HERC1: variants seen among roughly 807,000 people sequenced by gnomAD.
HERC1 encodes the protein HECT and RLD domain containing E3 ubiquitin protein ligase family member 1.
In HERC1, 160 loss-of-function variants were observed where a neutral mutation model predicts 554.3. The observed-to-expected ratio is 0.29, with a 90% confidence interval of 0.25 to 0.33. HERC1 has a LOEUF of 0.33. Among genes scored for constraint, HERC1 ranks in the 10% least tolerant of loss-of-function variants. The probability of loss-of-function intolerance (pLI) is 1.00; values close to 1 mark genes in which losing one functional copy is unlikely to be tolerated. For synonymous variants in HERC1, 2,175 were observed against 2,131.7 expected (o/e 1.02, Z -0.56); for missense variants, 4,919 against 5,918.5 (o/e 0.83, Z 5.54).
At chr15:63,745,591 C>G (rs971844183) in intron 12 of HERC1, among the ~76,000 whole-genome samples, 14 of 152,162 alleles carry the variant, frequency 9.2e-5, no homozygotes, top group Admixed American at 2.0e-4. Flanking sequence ...CCCCAAGCAC[C>G]CAGAGACACT....
chr15:63,830,428 G>A (rs527889446), intron 1 of HERC1, among the ~76,000 whole-genome samples: 12 of 152,124 alleles, frequency 7.9e-5, no homozygotes, highest in African/African-American at 2.7e-4. Flanking sequence ...TGTCAAGGTC[G>A]TGAAAAACAA....
chr15:63,667,417 TA>T lies in HERC1; in HGVS notation c.8207-946del, dbSNP rs907219443. ...GTGAAATAAACACGGAAGATGAGAT[TA>T]AAAAAAAACAAATCAAATGTCTACT... On this transcript the variant is annotated intron_variant, in intron 40 of 77. Coordinates refer to ENST00000443617, the MANE Select transcript of HERC1 (RefSeq NM_003922.4). 2.9e-4 allele frequency among the ~76,000 whole-genome samples: 44 copies of T among 150,732 alleles called. 1 individual carries two copies. Among genetic ancestry groups the T allele is most frequent in the South Asian group, 1.0e-3 (5 of 4,772 alleles).
intron 19 of HERC1, among the ~76,000 whole-genome samples, chr15:63,720,102 C>CTTTTTTT (rs1214451219): frequency 4.8e-5 from 1 of 20,958 alleles, no homozygotes; most frequent in African/African-American, 2.5e-4. Flanking sequence ...CTTTTTCTTC[C>CTTTTTTT]CTTTTTTTTT....
intron 1 of HERC1, among the ~76,000 whole-genome samples, chr15:63,780,790 C>T (rs1383797719): frequency 6.6e-6 from 1 of 151,516 alleles, no homozygotes; most frequent in Non-Finnish European, 1.5e-5. Flanking sequence ...ACATCAACAT[C>T]TGTAAAATTC....
intron 14 of HERC1, 133 bp downstream of exon 14, chr15:63,732,791 A>G: frequency 1.6e-6 from 1 of 614,772 alleles, no homozygotes; most frequent in Non-Finnish European, 2.9e-6. Flanking sequence ...AGAAACCCTG[A>G]CATGTTTTTC....
intron 12 of HERC1, among the ~76,000 whole-genome samples, chr15:63,740,426 A>G (rs572427854): frequency 1.3e-5 from 2 of 152,330 alleles, no homozygotes; most frequent in Admixed American, 6.5e-5. Context: ...TATGTTTTCA[A>G]TGCTCTTGGG....
Position 63,612,354 on chromosome 15 carries a change from T to C in HERC1, c.14297A>G (p.Asn4766Ser), listed in dbSNP as rs752320738. ...CCTCATGAAAAGCACCCGCTCCTCA[T>C]TGGAGAACTCTTCCAGCGTGTGCCA... Reference protein sequence around the residue: ...WFWHTLEEFSNEERVLFMRFV... With the variant: ...WFWHTLEEFSSEERVLFMRFV... Residue 4766 changes from asparagine to serine, a missense_variant, in exon 77 of 78, where the codon AAT becomes AGT. By Grantham distance (46) the Asn-to-Ser change is conservative. Coordinates refer to ENST00000443617, the MANE Select transcript of HERC1 (RefSeq NM_003922.4). The surrounding 1 kb of genome is among the most constrained non-coding windows in gnomAD (Gnocchi z 5.0). The C allele has an allele frequency of 1.9e-5, 30 of 1,613,934 alleles. No individual in the cohort carries two copies. Among genetic ancestry groups the C allele is most frequent in the Non-Finnish European group, 2.3e-5 (27 of 1,179,894 alleles).
Position 63,703,140 on chromosome 15 carries a change from G to A in HERC1, c.4636+3640C>T, listed in dbSNP as rs2072819314. Among the ~76,000 whole-genome samples the A allele has an allele frequency of 2.0e-5, 3 of 150,092 alleles. No homozygotes were observed. In the South Asian group the frequency reaches 6.3e-4, roughly 32 times the overall value. ...AAAAAAAAAAAAAAGAGTAAATTTA[G>A]CTTTGATGCCTCTGAAAAGCTGAGC... On this transcript the variant is annotated intron_variant, in intron 25 of 77. Transcript: ENST00000443617.
At chr15:63,618,555 T>G (rs532829246) in intron 74 of HERC1, among the ~76,000 whole-genome samples, 1 of 152,040 alleles carries the variant, frequency 6.6e-6, no homozygotes, top group Non-Finnish European at 1.5e-5. Flanking sequence ...CATTGGTAGC[T>G]TGATGGGGAT....
chr15:63,742,740 T>C (rs1001951091), intron 12 of HERC1, among the ~76,000 whole-genome samples: 8 of 152,156 alleles, frequency 5.3e-5, no homozygotes, highest in African/African-American at 1.7e-4. Context: ...TTTTGTTCAT[T>C]TTTTCTATTA....
At chr15:63,754,460 C>T in intron 7 of HERC1, 45 bp downstream of exon 7, 1 of 1,502,942 alleles carries the variant, frequency 6.7e-7, no homozygotes, top group Non-Finnish European at 8.9e-7. Context: ...TTTTAAAAAA[C>T]TCAAGAAAAA....
chr15:63,829,493 TATATATAC>T (rs753116590), intron 1 of HERC1, among the ~76,000 whole-genome samples: 1,212 of 62,638 alleles, frequency 0.019, 29 homozygotes, highest in Middle Eastern at 0.044. Context: ...TATATATATA[TATATATAC>T]ACACACACAC....
At position 63,713,546 on chromosome 15, in the gene HERC1, C is replaced by G. The variant is rs1229358602; in HGVS notation, c.4270G>C (p.Glu1424Gln). ...ADDPPPQSQQ[E>Q]RRVSTDLPEG... is the part of the protein sequence containing the mutation. ...GGAAGGTCTGTGCTGACCCTTCGCTCTTGCTGAGACTGAGGAGGTGGATCA... is the reference window on the plus strand; with the variant it reads ...GGAAGGTCTGTGCTGACCCTTCGCTGTTGCTGAGACTGAGGAGGTGGATCA... Residue 1424 changes from glutamate to glutamine, a missense_variant, in exon 23 of 78, where the codon GAG becomes CAG. Physicochemically the swap from Glu to Gln is conservative, Grantham distance 29 (BLOSUM62 2). This residue lies in a region of HERC1 where 1,121 missense variants were observed against 1,244.0 expected (regional missense o/e 0.90). Transcript: ENST00000443617. 6.2e-7 allele frequency: 1 copy of G among 1,613,880 alleles called. No homozygotes were observed. Among genetic ancestry groups the G allele is most frequent in the African/African-American group, 1.3e-5 (1 of 74,918 alleles).
intron 68 of HERC1, among the ~76,000 whole-genome samples, chr15:63,631,876 A>C (rs1196017647): frequency 6.6e-6 from 1 of 152,032 alleles, no homozygotes; most frequent in African/African-American, 2.4e-5. Context: ...CCTGCCCTTT[A>C]CATCACATGC....
intron 76 of HERC1, among the ~76,000 whole-genome samples, chr15:63,614,983 T>C (rs2067752710): frequency 1.3e-5 from 2 of 152,178 alleles, no homozygotes; most frequent in Admixed American, 6.5e-5. Context: ...GGAGGTAAGC[T>C]TGTGTGTGCA....
Position 63,749,707 on chromosome 15 carries a change from C to T in HERC1, c.1987G>A (p.Ala663Thr). 1.3e-6 allele frequency: 2 copies of T among 1,588,314 alleles called. No individual in the cohort carries two copies. Among genetic ancestry groups the T allele is most frequent in the Non-Finnish European group, 1.7e-6 (2 of 1,166,550 alleles). Residue 663 changes from alanine (A) to threonine (T), a missense_variant, in exon 9 of 78, where the codon GCT becomes ACT. Coordinates refer to ENST00000443617, the MANE Select transcript of HERC1 (RefSeq NM_003922.4). This position sits in a 1 kb window ranked among gnomAD's most constrained non-coding sequence, Gnocchi z 4.1. Reference sequence around the variant, plus strand: ...GAAACATCAACTATTCTTGTGGCAGCCAGTTCTTCAATAAGCTTGGGTCTC... The same window carrying T: ...GAAACATCAACTATTCTTGTGGCAGTCAGTTCTTCAATAAGCTTGGGTCTC... The part of the protein sequence containing the change: ...ALRPKLIEEL[A>T]ATRIVDVSIG...
chr15:63,659,966 T>G lies in HERC1; in HGVS notation c.9224-30A>C, dbSNP rs367626289. The stretch of plus-strand genomic sequence containing the variant: ...AATTTAAATAAATAAATGTATAGTA[T>G]GTGAATTTAAATATTACATAAATCT... On this transcript the variant is annotated intron_variant, in intron 46 of 77. Transcript: ENST00000443617. 6.3e-4 allele frequency: 943 copies of G among 1,487,262 alleles called. 8 individuals are homozygous for G. The South Asian group carries it at 8.9e-3, about 14-fold the overall frequency. The allele number at this position is 1,487,262 out of a possible 1,614,324, so 92.1% of individuals were successfully genotyped here. A position where few individuals can be genotyped will look rare whatever the true frequency, so the allele number is the denominator to read the frequency against.
chr15:63,759,014 A>T (rs769835691), intron 3 of HERC1, among the ~76,000 whole-genome samples: 1 of 152,118 alleles, frequency 6.6e-6, no homozygotes, highest in Non-Finnish European at 1.5e-5. Context: ...CAGGCATGCA[A>T]GTAATCATAC....
intron 12 of HERC1, among the ~76,000 whole-genome samples, chr15:63,735,601 T>C (rs1182721349): frequency 6.6e-6 from 1 of 151,502 alleles, no homozygotes; most frequent in Non-Finnish European, 1.5e-5. Context: ...GTCCAGGTAG[T>C]GGGAACAGCA....
Sources: allele counts gnomAD v4.1 joint callset (sites outside exome capture counted in the v4.1 genomes callset), GRCh38; gene constraint gnomAD v4.1.1; regional missense constraint gnomAD v4.1.1; non-coding constraint Gnocchi (gnomAD v3.1); transcripts MANE v1.5; gene names NCBI Gene and HGNC (gene_info 2026-07-23, HGNC 2026-07-21).